Variants in ZRANB1 observed in about 807,000 individuals in gnomAD.
ZRANB1 encodes the protein zinc finger RANBP2-type containing 1, also known as ubiquitin thioesterase ZRANB1.
Under a neutral mutation model 80.5 loss-of-function variants are expected in ZRANB1, and 16 were observed. That is an observed-to-expected ratio of 0.20 (90% CI 0.13 to 0.30). The LOEUF (loss-of-function observed/expected upper bound fraction) is 0.30, where lower values mean the gene tolerates loss of function less well. ZRANB1 is among the 10% of genes least tolerant of loss of function. The pLI, the probability that ZRANB1 is intolerant of heterozygous loss-of-function variation, is 1.00. For synonymous variants in ZRANB1, 291 were observed against 293.1 expected, an observed-to-expected ratio of 0.99 and a Z score of 0.07; for missense variants, 576 against 862.6, an observed-to-expected ratio of 0.67 and a Z score of 4.16.
At chr10:124,927,060 A>G in the ZRANB1 span, among the ~76,000 whole-genome samples, 1 of 152,122 alleles carries the variant, frequency 6.6e-6, no homozygotes, top group African/African-American at 2.4e-5. Context: ...GGTTCACGCC[A>G]TCCTCTTGCC....
rs973760485 is a variant in ZRANB1, at chr10:124,966,763, A to G, written c.984A>G (p.Leu328=). The stretch of plus-strand genomic sequence containing the variant: ...TACGTTTTCAGAGGCAGGATATGCT[A>G]GCAATATTGCTTACAGAGGTAAGTT... ...LAIRFQRQDM[L]AILLTEVSQQ... is the part of the protein sequence containing the mutation. Residue 328 remains leucine (L), a synonymous_variant, in exon 2 of 9, where the codon CTA becomes CTG. Transcript: ENST00000359653. 5.6e-6 allele frequency: 9 copies of G among 1,613,686 alleles called. No homozygotes were observed. The highest frequency in any genetic ancestry group is 2.2e-5 in the East Asian group (1 of 44,898).
At position 124,966,463 on chromosome 10, in the gene ZRANB1, AC is replaced by A. The variant is rs1270555879; in HGVS notation, c.815-130del. ...AACTTATTTTCCTTACTCTTATAGG[AC>A]ATTTAAATGATGCATCAGGATCCAG... is the stretch of plus-strand genomic sequence containing the variant. On this transcript the variant is annotated intron_variant, in intron 1 of 8. Coordinates refer to ENST00000359653, the MANE Select transcript of ZRANB1 (RefSeq NM_017580.3). 5.9e-5 allele frequency: 51 copies of A among 866,390 alleles called. No homozygotes were observed. In the Middle Eastern group the frequency reaches 2.5e-3, roughly 43 times the overall value. 53.7% of individuals were successfully genotyped at this position (866,390 alleles called of 1,614,324 possible). A position where few individuals can be genotyped will look rare whatever the true frequency, so the allele number is the denominator to read the frequency against.
In ZRANB1 at chr10:124,952,303, G is replaced by A. The variant is rs769133196; in HGVS notation, c.814+8996G>A. On this transcript the variant is annotated intron_variant, in intron 1 of 8. Coordinates refer to ENST00000359653, the MANE Select transcript of ZRANB1 (RefSeq NM_017580.3). ...CACAAGCGTCCTTGTAAATCACAGC[G>A]GGAGACAGGAGAGTGAAGATTATAG... Among the ~76,000 whole-genome samples the A allele has an allele frequency of 9.0e-4, 137 of 152,328 alleles. 1 individual carries two copies. In the Middle Eastern group the frequency reaches 0.01, roughly 11 times the overall value.
At chr10:124,982,029 G>A (rs749566114) in intron 6 of ZRANB1, among the ~76,000 whole-genome samples, 200 bp downstream of exon 6, 5 of 150,068 alleles carry the variant, frequency 3.3e-5, no homozygotes, top group Non-Finnish European at 7.4e-5. Flanking sequence ...AGCATCGCAA[G>A]TATAGATTAG....
intron 1 of ZRANB1, chr10:124,946,361 T>G (rs1040582777): frequency 1.4e-5 from 2 of 146,572 alleles, no homozygotes; most frequent in Non-Finnish European, 2.9e-5. Context: ...GAGGTTGCAG[T>G]GAGCCAAGAC....
the ZRANB1 span, among the ~76,000 whole-genome samples, chr10:124,921,646 G>T: frequency 1.3e-5 from 2 of 151,992 alleles, no homozygotes; most frequent in Admixed American, 1.3e-4. Context: ...TTTTTAGAAA[G>T]TATATAAAAA....
chr10:124,984,636 G>C, intron 8 of ZRANB1, 138 bp from the exon 9 acceptor site: 1 of 813,046 alleles, frequency 1.2e-6, no homozygotes, highest in Non-Finnish European at 1.9e-6. Flanking sequence ...ACTTCCAAGA[G>C]GTCAAAACCA....
At chr10:124,924,976 C>T in the ZRANB1 span, among the ~76,000 whole-genome samples, 1 of 151,364 alleles carries the variant, frequency 6.6e-6, no homozygotes, top group African/African-American at 2.4e-5. Flanking sequence ...GGCGTGATCT[C>T]GGCTCACTGC....
At chr10:124,934,709 A>G in the ZRANB1 span, among the ~76,000 whole-genome samples, 4 of 152,166 alleles carry the variant, frequency 2.6e-5, no homozygotes, top group East Asian at 7.7e-4. Flanking sequence ...CAGGTGGGCA[A>G]CTGGTTTTAC....
rs559311747 is a variant in ZRANB1, at chr10:124,986,166, C to G, written c.*1174C>G. ...TATTTGACCACTTCAGGTATACATTCAATACTGGGTAAAAATTTCAGACCT... is the reference window on the plus strand; with the variant it reads ...TATTTGACCACTTCAGGTATACATTGAATACTGGGTAAAAATTTCAGACCT... On this transcript the variant is annotated 3_prime_UTR_variant, in exon 9 of 9. Transcript: ENST00000359653. 4 of 152,548 alleles carry G rather than the reference C, an allele frequency of 2.6e-5. No homozygotes were observed. The highest frequency in any genetic ancestry group is 9.6e-5 in the African/African-American group (4 of 41,480). The allele number at this position is 152,548 out of a possible 1,614,324, so 9.4% of individuals were successfully genotyped here.
upstream of ZRANB1, chr10:124,940,631 AAATG>A (rs1464947025): frequency 9.1e-6 from 8 of 877,920 alleles, no homozygotes; most frequent in Admixed American, 1.0e-4. Flanking sequence ...TTCACACTAT[AAATG>A]GTGTATGGAC....
rs374211547 is a variant in ZRANB1, at chr10:124,959,535, G to C, written c.815-7059G>C. Among the ~76,000 whole-genome samples the C allele has an allele frequency of 3.0e-4, 45 of 151,750 alleles. No individual in the cohort carries two copies. In the East Asian group the frequency reaches 6.4e-3, roughly 22 times the overall value. Reference sequence around the variant, plus strand: ...GGGTGGAGTGCAGTGACATGATCACGGCTCACTGCAGCCTCAACCTTCTTG... The same window carrying C: ...GGGTGGAGTGCAGTGACATGATCACCGCTCACTGCAGCCTCAACCTTCTTG... On this transcript the variant is annotated intron_variant, in intron 1 of 8. Coordinates refer to ENST00000359653, the MANE Select transcript of ZRANB1 (RefSeq NM_017580.3).
Position 124,983,321 on chromosome 10 carries a change from G to T in ZRANB1, c.1678+17G>T. Reference sequence around the variant, plus strand: ...GGTTTCAAGGTAAGCCATTATTCAGGAACGTTTTACAAGTTTCTTTGAACG... The same window carrying T: ...GGTTTCAAGGTAAGCCATTATTCAGTAACGTTTTACAAGTTTCTTTGAACG... On this transcript the variant is annotated intron_variant, in intron 7 of 8. Transcript: ENST00000359653. The surrounding 1 kb of genome is among the most constrained non-coding windows in gnomAD (Gnocchi z 6.2). The T allele has an allele frequency of 6.2e-7, 1 of 1,612,624 alleles. No homozygotes were observed. Among genetic ancestry groups the T allele is most frequent in the South Asian group, 1.1e-5 (1 of 90,826 alleles).
Position 124,973,648 on chromosome 10 carries a change from T to A in ZRANB1, c.1160T>A (p.Ile387Asn). The change falls in exon 4 of 9, where the codon ATT becomes AAT. Residue 387 changes from isoleucine (I) to asparagine (N), a missense_variant. Physicochemically the swap from Ile to Asn is moderately radical, Grantham distance 149. This residue lies in a region of ZRANB1 where 411 missense variants were observed against 583.1 expected (regional missense o/e 0.70). Coordinates refer to ENST00000359653, the MANE Select transcript of ZRANB1 (RefSeq NM_017580.3). Reference protein sequence around the residue: ...DLVTFTLPADIEDLPPTVQEK... With the variant: ...DLVTFTLPADNEDLPPTVQEK... ...TAAGTTTGCATTTTCTTTGTAGATA[T>A]TGAAGATTTGCCCCCAACAGTCCAA... 1 of 1,610,218 alleles carries A rather than the reference T, an allele frequency of 6.2e-7. No individual in the cohort carries two copies. Among genetic ancestry groups the A allele is most frequent in the South Asian group, 1.1e-5 (1 of 89,916 alleles).
At chr10:124,952,759 C>T (rs536265164) in intron 1 of ZRANB1, among the ~76,000 whole-genome samples, 4 of 152,014 alleles carry the variant, frequency 2.6e-5, no homozygotes, top group East Asian at 1.9e-4. Flanking sequence ...TATAGGCGCC[C>T]GCCAACATTC....
intron 1 of ZRANB1, among the ~76,000 whole-genome samples, chr10:124,962,941 G>A (rs572295380): frequency 6.6e-6 from 1 of 152,148 alleles, no homozygotes. Context: ...CATAATACAC[G>A]TTTGTTAAAT....
intron 1 of ZRANB1, among the ~76,000 whole-genome samples, chr10:124,955,958 C>G (rs1025303124): frequency 6.6e-6 from 1 of 152,156 alleles, no homozygotes; most frequent in Non-Finnish European, 1.5e-5. Flanking sequence ...ATGAATGTTT[C>G]TATTAAGGCA....
At chr10:124,940,592 A>T, upstream of ZRANB1, 1 of 1,229,218 alleles carries the variant, frequency 8.1e-7, no homozygotes, top group Non-Finnish European at 1.1e-6. Flanking sequence ...ATACTTTCTT[A>T]TAGTGATTTT....
intron 1 of ZRANB1, among the ~76,000 whole-genome samples, chr10:124,944,489 C>G (rs1021751668): frequency 8.4e-5 from 7 of 83,770 alleles, no homozygotes; most frequent in African/African-American, 4.0e-4. Context: ...ATCATTCCCC[C>G]CCCCCCCCCG....
Sources: gnomAD v4.1 joint callset for allele counts (sites outside exome capture counted in the v4.1 genomes callset) on GRCh38, gnomAD v4.1.1 for gene constraint, gnomAD v4.1.1 regional missense constraint, Gnocchi (gnomAD v3.1) non-coding constraint, MANE v1.5 for transcripts, NCBI Gene and HGNC (gene_info 2026-07-23, HGNC 2026-07-21) for gene names.